Variants in KHDRBS3 observed in about 807,000 individuals in gnomAD.
KHDRBS3 encodes KH RNA binding domain containing, signal transduction associated 3.
In KHDRBS3, 23 loss-of-function variants were observed where a neutral mutation model predicts 45.6. That is an observed-to-expected ratio of 0.50 (90% CI 0.36 to 0.72). The LOEUF (loss-of-function observed/expected upper bound fraction) is 0.72, where lower values mean the gene tolerates loss of function less well. KHDRBS3 is among the 30% of genes least tolerant of loss of function. KHDRBS3 has a pLI of 0.00. For synonymous variants in KHDRBS3, 162 were observed against 156.5 expected, an observed-to-expected ratio of 1.04 and a Z score of -0.26; for missense variants, 352 against 424.8, an observed-to-expected ratio of 0.83 and a Z score of 1.51.
rs1409562976 is a variant in KHDRBS3 at position 135,645,025 on chromosome 8, A to G, written c.891-34A>G. 1.9e-6 allele frequency: 3 copies of G among 1,606,850 alleles called. No individual in the cohort carries two copies. In the African/African-American group the frequency reaches 4.0e-5, roughly 22 times the overall value. ...TACTGTTGAAACTCACAGCCAGATG[A>G]TTTTGTCCTTTGTTTTGTTTTGATC... On this transcript the variant is annotated intron_variant, in intron 7 of 8. Transcript: ENST00000355849.
At chr8:135,542,483 C>A in intron 2 of KHDRBS3, 171 bp from the exon 3 acceptor site, 1 of 506,778 alleles carries the variant, frequency 2.0e-6, no homozygotes, top group South Asian at 3.6e-5. Flanking sequence ...TACGTTTAGC[C>A]CCGTTTTATG....
chr8:135,501,684 C>T (rs536034701), intron 1 of KHDRBS3, among the ~76,000 whole-genome samples: 1 of 151,648 alleles, frequency 6.6e-6, no homozygotes, highest in African/African-American at 2.4e-5. Context: ...TTCTCTAGCT[C>T]GCAGAAAAGT....
At chr8:135,501,828 A>G (rs1275406397) in intron 1 of KHDRBS3, among the ~76,000 whole-genome samples, 1 of 152,160 alleles carries the variant, frequency 6.6e-6, no homozygotes, top group Non-Finnish European at 1.5e-5. Flanking sequence ...AGACATTTTC[A>G]TATGCTGTTG....
At chr8:135,653,158 G>T (rs1831464241) in intron 4 of KHDRBS3, among the ~76,000 whole-genome samples, 1 of 152,128 alleles carries the variant, frequency 6.6e-6, no homozygotes, top group Non-Finnish European at 1.5e-5. Flanking sequence ...TGAAGTGTGC[G>T]GGGATGGTGG....
At chr8:135,599,368 A>C (rs1168040671) in intron 6 of KHDRBS3, among the ~76,000 whole-genome samples, 1 of 152,266 alleles carries the variant, frequency 6.6e-6, no homozygotes, top group Non-Finnish European at 1.5e-5. Flanking sequence ...CAAAAGTAGA[A>C]TACAGAGTTC....
chr8:135,494,876 G>GA (rs973511862), intron 1 of KHDRBS3, among the ~76,000 whole-genome samples: 3 of 152,238 alleles, frequency 2.0e-5, no homozygotes, highest in African/African-American at 7.2e-5. Context: ...GGAGGTGGAG[G>GA]AAGGCATTGA....
chr8:135,524,982 T>C (rs1247773931), intron 2 of KHDRBS3, among the ~76,000 whole-genome samples: 1 of 152,208 alleles, frequency 6.6e-6, no homozygotes, highest in African/African-American at 2.4e-5. Context: ...CTCTGTCTAC[T>C]AATTTCTAAG....
chr8:135,644,973 C>CT, intron 7 of KHDRBS3, 86 bp from the exon 8 acceptor site: 1 of 1,409,318 alleles, frequency 7.1e-7, no homozygotes, highest in Non-Finnish European at 9.9e-7. Context: ...CATTAGTTGT[C>CT]TTTAAGTTTT....
intron 1 of KHDRBS3, among the ~76,000 whole-genome samples, chr8:135,516,938 G>T (rs1824640070): frequency 6.6e-6 from 1 of 151,960 alleles, no homozygotes; most frequent in Non-Finnish European, 1.5e-5. Flanking sequence ...TTTTATATTG[G>T]AAACTTAACT....
chr8:135,561,038 A>C (rs1827142943), intron 5 of KHDRBS3, among the ~76,000 whole-genome samples: 1 of 152,156 alleles, frequency 6.6e-6, no homozygotes, highest in African/African-American at 2.4e-5. Context: ...GCAGGAATTC[A>C]AAGCCTTCTT....
chr8:135,626,026 C>T (rs986467948), intron 7 of KHDRBS3: 8 of 627,050 alleles, frequency 1.3e-5, no homozygotes, highest in East Asian at 5.3e-5. Flanking sequence ...CACCCAGCTC[C>T]GGTTCCAGTT....
intron 5 of KHDRBS3, among the ~76,000 whole-genome samples, chr8:135,559,919 G>A (rs1023452159): frequency 3.3e-5 from 5 of 151,924 alleles, no homozygotes; most frequent in Non-Finnish European, 7.4e-5. Flanking sequence ...ATATAGATAA[G>A]TAAAAAGAGA....
At chr8:135,506,593 G>A (rs1175108829) in intron 1 of KHDRBS3, among the ~76,000 whole-genome samples, 3 of 151,994 alleles carry the variant, frequency 2.0e-5, no homozygotes, top group Admixed American at 6.5e-5. Flanking sequence ...TAGTAGAGAC[G>A]GGGTGTCACC....
intron 7 of KHDRBS3, among the ~76,000 whole-genome samples, chr8:135,632,594 G>A (rs111366672): frequency 7.2e-4 from 110 of 151,888 alleles, no homozygotes; most frequent in East Asian, 2.5e-3. Flanking sequence ...ATCAAACTCC[G>A]GAACTCTCCC....
At chr8:135,468,057 T>C (rs1821789967) in intron 1 of KHDRBS3, among the ~76,000 whole-genome samples, 1 of 152,204 alleles carries the variant, frequency 6.6e-6, no homozygotes, top group Non-Finnish European at 1.5e-5. Context: ...CCCTCTTTGT[T>C]ATTCAGTCGT....
At chr8:135,574,105 A>G (rs1345925950) in intron 5 of KHDRBS3, among the ~76,000 whole-genome samples, 8 of 152,128 alleles carry the variant, frequency 5.3e-5, no homozygotes, top group African/African-American at 1.9e-4. Context: ...TGTTATTTGT[A>G]GCACTCAGTG....
At chr8:135,609,770 G>C (rs1013128925) in intron 7 of KHDRBS3, among the ~76,000 whole-genome samples, 2 of 151,798 alleles carry the variant, frequency 1.3e-5, no homozygotes, top group African/African-American at 4.9e-5. Context: ...TATGCAGCAC[G>C]TGACTCTATT....
intron 7 of KHDRBS3, among the ~76,000 whole-genome samples, chr8:135,633,656 A>C (rs1830695055): frequency 6.6e-6 from 1 of 152,184 alleles, no homozygotes; most frequent in African/African-American, 2.4e-5. Context: ...TTTCTCAGCT[A>C]TCATTTTAAA....
chr8:135,458,233 T>A, intron 1 of KHDRBS3: 2 of 1,189,886 alleles, frequency 1.7e-6, no homozygotes, highest in South Asian at 4.2e-5. Context: ...CAGGGGAAAC[T>A]TCTGGGTGGG....
Sources: gnomAD v4.1 joint callset for allele counts (sites outside exome capture counted in the v4.1 genomes callset) on GRCh38, gnomAD v4.1.1 for gene constraint, MANE v1.5 for transcripts, NCBI Gene and HGNC (gene_info 2026-07-23, HGNC 2026-07-21) for gene names.